Variants in TAFA5 observed in about 807,000 individuals in gnomAD.
The protein encoded by TAFA5 is chemokine-like protein TAFA-5.
Under a neutral mutation model 15.3 loss-of-function variants are expected in TAFA5, and 6 were observed. That is an observed-to-expected ratio of 0.39 (90% CI 0.21 to 0.77). The LOEUF is 0.77. TAFA5 is among the 30% of genes least tolerant of loss of function. The pLI is 0.41. For missense variants in TAFA5, 161 were observed against 193.1 expected, an observed-to-expected ratio of 0.83 and a Z score of 0.98; for synonymous variants, 103 against 80.7, an observed-to-expected ratio of 1.28 and a Z score of -1.48.
At chr22:48,681,731 G>A (rs1334846262) in intron 2 of TAFA5, among the ~76,000 whole-genome samples, 1 of 152,074 alleles carries the variant, frequency 6.6e-6, no homozygotes, top group Non-Finnish European at 1.5e-5. Flanking sequence ...CTGATTCTCA[G>A]ACAGAACACA....
At chr22:48,650,420 A>G (rs1927011338) in intron 2 of TAFA5, among the ~76,000 whole-genome samples, 1 of 152,208 alleles carries the variant, frequency 6.6e-6, no homozygotes, top group African/African-American at 2.4e-5. Context: ...AGAGCCATGC[A>G]GTGCTGCAGG....
At chr22:48,549,553 A>G (rs530236719) in intron 1 of TAFA5, among the ~76,000 whole-genome samples, 2 of 152,226 alleles carry the variant, frequency 1.3e-5, no homozygotes, top group Non-Finnish European at 2.9e-5. Context: ...TGACAATACC[A>G]AGCAGGATGC....
At chr22:48,708,714 G>A (rs945987676) in intron 3 of TAFA5, among the ~76,000 whole-genome samples, 4 of 152,192 alleles carry the variant, frequency 2.6e-5, no homozygotes, top group African/African-American at 7.2e-5. Context: ...ACACGGATCC[G>A]GGCTCCACGC....
intron 1 of TAFA5, among the ~76,000 whole-genome samples, chr22:48,541,256 A>G (rs538371238): frequency 6.5e-4 from 99 of 152,204 alleles, no homozygotes; most frequent in Non-Finnish European, 1.2e-3. Flanking sequence ...TGGAGACCCC[A>G]GGACCCTATA....
intron 2 of TAFA5, among the ~76,000 whole-genome samples, chr22:48,683,448 A>G (rs2147232163): frequency 6.6e-6 from 1 of 152,338 alleles, no homozygotes; most frequent in African/African-American, 2.4e-5. Context: ...TGCTTTTAGA[A>G]GGTGCTGTTT....
At chr22:48,576,407 CGGCGG>C in intron 1 of TAFA5, 1 of 1,246,140 alleles carries the variant, frequency 8.0e-7, no homozygotes, top group Non-Finnish European at 1.0e-6. Context: ...AGGCTGCACC[CGGCGG>C]GGCGCTGATG....
At chr22:48,571,245 G>T (rs570979197) in intron 1 of TAFA5, among the ~76,000 whole-genome samples, 1 of 145,700 alleles carries the variant, frequency 6.9e-6, no homozygotes, top group Non-Finnish European at 1.5e-5. Context: ...TCTTTCCTCA[G>T]AACATTTTTT....
intron 1 of TAFA5, among the ~76,000 whole-genome samples, chr22:48,495,107 C>T (rs1928280859): frequency 6.6e-6 from 1 of 152,170 alleles, no homozygotes; most frequent in South Asian, 2.1e-4. Context: ...AAGAGGCCTC[C>T]CTGTCCCTTG....
At chr22:48,575,540 G>A (rs1371092242) in intron 1 of TAFA5, among the ~76,000 whole-genome samples, 4 of 146,064 alleles carry the variant, frequency 2.7e-5, no homozygotes, top group Non-Finnish European at 4.6e-5. Flanking sequence ...CCGGAGCAGC[G>A]GCGTCCCGCG....
chr22:48,551,181 A>AC, intron 1 of TAFA5, among the ~76,000 whole-genome samples: 1 of 151,450 alleles, frequency 6.6e-6, no homozygotes, highest in Non-Finnish European at 1.5e-5. Flanking sequence ...CATGCTGAAG[A>AC]CCCCTCAGCC....
intron 3 of TAFA5, among the ~76,000 whole-genome samples, chr22:48,714,198 A>G: frequency 6.6e-6 from 1 of 152,188 alleles, no homozygotes; most frequent in Non-Finnish European, 1.5e-5. Context: ...AGAGGACGAG[A>G]CACTCACACT....
intron 2 of TAFA5, among the ~76,000 whole-genome samples, chr22:48,701,923 C>T (rs1928919880): frequency 6.6e-6 from 1 of 152,220 alleles, no homozygotes; most frequent in Non-Finnish European, 1.5e-5. Flanking sequence ...GCTGCGTCAT[C>T]CCGGGGACTG....
chr22:48,498,403 A>G (rs990662902), intron 1 of TAFA5, among the ~76,000 whole-genome samples: 8 of 152,062 alleles, frequency 5.3e-5, no homozygotes, highest in African/African-American at 1.7e-4. Flanking sequence ...TTCCAAAGAT[A>G]TCTTTGGTTC....
rs570557394 is a variant in TAFA5 at position 48,535,101 on chromosome 22, A to C, written c.112+45397A>C. Among the ~76,000 whole-genome samples the C allele has an allele frequency of 1.5e-4, 22 of 151,660 alleles. No homozygotes were observed. The East Asian group carries it at 4.1e-3, about 28-fold the overall frequency. ...CCAAGGCTGGGCCCTGGGGCCTCTC[A>C]CCCTGGGATCCCAGCCCAGCAACCC... On this transcript the variant is annotated intron_variant, in intron 1 of 3. Coordinates refer to ENST00000402357, the MANE Select transcript of TAFA5 (RefSeq NM_001082967.3).
At chr22:48,687,073 GGGTGGATGGATGGATGGATAGATGGTGAT>G (rs1928384635) in intron 2 of TAFA5, among the ~76,000 whole-genome samples, 2 of 151,620 alleles carry the variant, frequency 1.3e-5, no homozygotes, top group African/African-American at 2.4e-5. Flanking sequence ...ATTGATGAAT[GGGTGGATGGATGGATGGATAGATGGTGAT>G]GGTGGATGGA....
At chr22:48,502,318 T>C (rs1920956596) in intron 1 of TAFA5, among the ~76,000 whole-genome samples, 1 of 152,130 alleles carries the variant, frequency 6.6e-6, no homozygotes, top group Non-Finnish European at 1.5e-5. Flanking sequence ...CATTTCAGTA[T>C]CTCCTGTGTA....
chr22:48,671,232 A>G (rs1485888638), intron 2 of TAFA5, among the ~76,000 whole-genome samples: 1 of 152,192 alleles, frequency 6.6e-6, no homozygotes, highest in Admixed American at 6.5e-5. Context: ...GGAAACAGCC[A>G]GGAGGACCAG....
At position 48,660,088 on chromosome 22, in the gene TAFA5, C is replaced by T. The variant is rs939521043; in HGVS notation, c.262+13342C>T. On this transcript the variant is annotated intron_variant, in intron 2 of 3. Coordinates refer to ENST00000402357, the MANE Select transcript of TAFA5 (RefSeq NM_001082967.3). ...CGAGTCATCTTCAGGTTCCCAGACT[C>T]CAGTTCACCCTTCTAGGGGGCTGGG... Among the ~76,000 whole-genome samples the T allele has an allele frequency of 2.6e-5, 4 of 151,428 alleles. No individual in the cohort carries two copies. In the East Asian group the frequency reaches 7.7e-4, roughly 29 times the overall value.
chr22:48,739,248 A>G (rs1425792443), intron 3 of TAFA5, among the ~76,000 whole-genome samples: 1 of 152,244 alleles, frequency 6.6e-6, no homozygotes, highest in Non-Finnish European at 1.5e-5. Flanking sequence ...TAATTTTCCC[A>G]TATTTAAATT....
Sources: allele counts gnomAD v4.1 joint callset (sites outside exome capture counted in the v4.1 genomes callset), GRCh38; gene constraint gnomAD v4.1.1; transcripts MANE v1.5; gene names NCBI Gene and HGNC (gene_info 2026-07-23, HGNC 2026-07-21).